Variants in EFR3B observed in about 807,000 individuals in gnomAD.
EFR3B encodes the protein protein EFR3 homolog B.
EFR3B carries 64 observed loss-of-function variants against 104.7 expected under a neutral mutation model. The observed-to-expected ratio is 0.61, with a 90% confidence interval of 0.50 to 0.75. EFR3B has a LOEUF of 0.75. Ranked by LOEUF, EFR3B falls within the 30% of genes least tolerant of loss-of-function variation. The pLI is 0.00. For synonymous variants in EFR3B, 385 were observed against 417.9 expected, an observed-to-expected ratio of 0.92 and a Z score of 0.96; for missense variants, 750 against 1,078.5, an observed-to-expected ratio of 0.70 and a Z score of 4.27.
At chr2:25,065,946 G>C (rs959851052) in intron 1 of EFR3B, among the ~76,000 whole-genome samples, 3 of 152,214 alleles carry the variant, frequency 2.0e-5, no homozygotes, top group African/African-American at 7.2e-5. Flanking sequence ...GAGAGCAGCA[G>C]ATGTAGCCTG....
chr2:25,118,807 A>G (rs1190441038), intron 4 of EFR3B, among the ~76,000 whole-genome samples: 2 of 149,176 alleles, frequency 1.3e-5, no homozygotes, highest in Admixed American at 1.3e-4. Flanking sequence ...TTGGGAGGCC[A>G]AGGCGGGCGG....
intron 1 of EFR3B, among the ~76,000 whole-genome samples, chr2:25,088,468 A>T (rs1669020671): frequency 6.6e-6 from 1 of 152,126 alleles, no homozygotes; most frequent in Non-Finnish European, 1.5e-5. Context: ...GTGGCCAAGC[A>T]AGTGGTCAGT....
At chr2:25,102,655 AG>A (rs1352153143) in intron 3 of EFR3B, among the ~76,000 whole-genome samples, 1 of 152,184 alleles carries the variant, frequency 6.6e-6, no homozygotes, top group Non-Finnish European at 1.5e-5. Context: ...TTACAATTCA[AG>A]GTGAGATTCG....
rs1157170656 is a variant in EFR3B at position 25,093,105 on chromosome 2, C to T, written c.187C>T (p.Arg63Cys). 5 of 1,551,714 alleles carry T rather than the reference C, an allele frequency of 3.2e-6. No individual in the cohort carries two copies. Among genetic ancestry groups the T allele is most frequent in the East Asian group, 2.4e-5 (1 of 40,938 alleles). ...CGCCTACCTCTCTGAGAGGCTCATC[C>T]GTGACGTGGGTCGCCATCGATATGG... ...IGAYLSERLI[R>C]DVGRHRYGYV... The change falls in exon 3 of 23, where the codon CGT becomes TGT. Residue 63 changes from arginine (R) to cysteine (C), a missense_variant. Transcript: ENST00000403714.
intron 4 of EFR3B, among the ~76,000 whole-genome samples, chr2:25,119,376 C>T (rs892969713): frequency 1.3e-5 from 2 of 152,206 alleles, no homozygotes; most frequent in Non-Finnish European, 2.9e-5. Flanking sequence ...GTGAGGAGTG[C>T]AGCCGGGGAA....
At chr2:25,093,663 A>C (rs561136252) in intron 3 of EFR3B, among the ~76,000 whole-genome samples, 7 of 152,238 alleles carry the variant, frequency 4.6e-5, no homozygotes, top group Non-Finnish European at 1.0e-4. Context: ...CACCTCTTCC[A>C]GCATCCATTC....
In EFR3B at chr2:25,125,694, A is replaced by G. The variant is rs565837986; in HGVS notation, c.486-2489A>G. Among the ~76,000 whole-genome samples, 5 of 152,334 alleles carry G rather than the reference A, an allele frequency of 3.3e-5. No individual in the cohort carries two copies. The South Asian group carries it at 6.2e-4, about 19-fold the overall frequency. ...CCAGGCACGGTGGCTCACGCCTGTAATCCCAGCACTTTGGGAGGCCAAGGC... is the reference window on the plus strand; with the variant it reads ...CCAGGCACGGTGGCTCACGCCTGTAGTCCCAGCACTTTGGGAGGCCAAGGC... On this transcript the variant is annotated intron_variant, in intron 5 of 22. Coordinates refer to ENST00000403714, the MANE Select transcript of EFR3B (RefSeq NM_014971.2).
intron 4 of EFR3B, among the ~76,000 whole-genome samples, chr2:25,113,620 A>G (rs1447423793): frequency 1.3e-5 from 2 of 151,394 alleles, no homozygotes; most frequent in Non-Finnish European, 2.9e-5. Flanking sequence ...GCGAGCCGAG[A>G]TCGTGCCACT....
At chr2:25,143,531 G>C (rs900391384) in intron 17 of EFR3B, among the ~76,000 whole-genome samples, 1 of 151,874 alleles carries the variant, frequency 6.6e-6, no homozygotes, top group East Asian at 1.9e-4. Flanking sequence ...GTGGTGGCAG[G>C]TGCCTTTAAT....
chr2:25,102,129 T>C (rs1305005570), intron 3 of EFR3B, among the ~76,000 whole-genome samples: 1 of 152,160 alleles, frequency 6.6e-6, no homozygotes, highest in African/African-American at 2.4e-5. Flanking sequence ...ACTAAGATAA[T>C]TGGGTTGTCC....
At chr2:25,094,296 A>AG (rs1553390768) in intron 3 of EFR3B, among the ~76,000 whole-genome samples, 27 of 150,996 alleles carry the variant, frequency 1.8e-4, no homozygotes, top group African/African-American at 5.3e-4. Flanking sequence ...AAAAAAAAAA[A>AG]AAAAAGAAAA....
chr2:25,138,575 A>G (rs1670581684), intron 15 of EFR3B, among the ~76,000 whole-genome samples: 1 of 152,174 alleles, frequency 6.6e-6, no homozygotes, highest in African/African-American at 2.4e-5. Flanking sequence ...TAGATGCTAT[A>G]ATTTTTAAAT....
chr2:25,121,905 G>C, intron 5 of EFR3B, 111 bp downstream of exon 5: 1 of 1,442,502 alleles, frequency 6.9e-7, no homozygotes, highest in Admixed American at 2.1e-5. Context: ...TAGTATCTGT[G>C]TCTGCTCTGA....
At chr2:25,052,663 C>T (rs942997031) in intron 1 of EFR3B, among the ~76,000 whole-genome samples, 4 of 152,004 alleles carry the variant, frequency 2.6e-5, no homozygotes, top group Non-Finnish European at 5.9e-5. Context: ...CCACCATGCC[C>T]GGCTAATGTT....
At position 25,139,174 on chromosome 2, in the gene EFR3B, G is replaced by A; in HGVS notation, c.1838G>A (p.Cys613Tyr). The A allele has an allele frequency of 1.3e-6, 2 of 1,551,486 alleles. No homozygotes were observed. Among genetic ancestry groups the A allele is most frequent in the South Asian group, 2.4e-5 (2 of 84,050 alleles). The change falls in exon 16 of 23, where the codon TGC (cysteine) becomes TAC (tyrosine). Residue 613 changes from cysteine to tyrosine, a missense_variant. Physicochemically the swap from Cys to Tyr is radical, Grantham distance 194. Coordinates refer to ENST00000403714, the MANE Select transcript of EFR3B (RefSeq NM_014971.2). ...ISQLTTVPAFCQHIHEVIETR... is the reference protein window; with the variant it reads ...ISQLTTVPAFYQHIHEVIETR... Reference sequence around the variant, plus strand: ...CAGCTCACAACAGTGCCTGCCTTCTGCCAGCACATCCATGAGGTTGGTGTT... The same window carrying A: ...CAGCTCACAACAGTGCCTGCCTTCTACCAGCACATCCATGAGGTTGGTGTT...
chr2:25,111,217 G>T (rs1219584409), intron 4 of EFR3B, among the ~76,000 whole-genome samples: 1 of 152,174 alleles, frequency 6.6e-6, no homozygotes, highest in African/African-American at 2.4e-5. Flanking sequence ...CCGGCCTAGG[G>T]TGTGGCCAGC....
intron 3 of EFR3B, among the ~76,000 whole-genome samples, chr2:25,096,487 C>T (rs1231434830): frequency 6.6e-6 from 1 of 152,236 alleles, no homozygotes; most frequent in Non-Finnish European, 1.5e-5. Flanking sequence ...TGATCTTTAA[C>T]ACACAGAACC....
At chr2:25,125,686 C>T (rs112334057) in intron 5 of EFR3B, among the ~76,000 whole-genome samples, 3,128 of 152,298 alleles carry the variant, frequency 0.021, 101 homozygotes, top group African/African-American at 0.072. Flanking sequence ...CGGTGGCTCA[C>T]GCCTGTAATC....
chr2:25,125,482 G>A (rs1670137380), intron 5 of EFR3B, among the ~76,000 whole-genome samples: 3 of 152,222 alleles, frequency 2.0e-5, no homozygotes, highest in African/African-American at 7.2e-5. Flanking sequence ...TCAGGGTCTT[G>A]AATGTGGTCA....
Sources: gnomAD v4.1 joint callset for allele counts (sites outside exome capture counted in the v4.1 genomes callset) on GRCh38, gnomAD v4.1.1 for gene constraint, MANE v1.5 for transcripts, NCBI Gene and HGNC (gene_info 2026-07-23, HGNC 2026-07-21) for gene names.